Variants in NSMAF observed in about 807,000 individuals in gnomAD.
NSMAF encodes the protein protein FAN.
Under a neutral mutation model 134.9 loss-of-function variants are expected in NSMAF, and 90 were observed. The ratio of observed to expected loss-of-function variants is 0.67; its 90% CI spans 0.56 to 0.79. The LOEUF is 0.79. Among genes scored for constraint, NSMAF ranks in the 30% least tolerant of loss-of-function variants. The pLI, the probability that NSMAF is intolerant of heterozygous loss-of-function variation, is 0.00. For missense variants in NSMAF, 1,010 were observed against 1,119.0 expected, an observed-to-expected ratio of 0.90 and a Z score of 1.39; for synonymous variants, 358 against 389.6, an observed-to-expected ratio of 0.92 and a Z score of 0.96.
chr8:58,628,817 A>G (rs556307003), intron 6 of NSMAF, among the ~76,000 whole-genome samples: 10 of 152,126 alleles, frequency 6.6e-5, no homozygotes, highest in African/African-American at 2.2e-4. Context: ...CTTTGTTGGC[A>G]GGCATTTTTA....
intron 22 of NSMAF, 55 bp from the exon 23 acceptor site, chr8:58,594,345 C>G: frequency 6.9e-7 from 1 of 1,449,216 alleles, no homozygotes; most frequent in African/African-American, 1.4e-5. Context: ...AGGATACCCT[C>G]TTTGTTTCAT....
chr8:58,636,134 T>A (rs1444470498), intron 2 of NSMAF, among the ~76,000 whole-genome samples: 1 of 152,174 alleles, frequency 6.6e-6, no homozygotes, highest in Non-Finnish European at 1.5e-5. Context: ...AATAGTAACA[T>A]AAAAACTTTT....
At chr8:58,649,684 T>A (rs568714145) in intron 1 of NSMAF, among the ~76,000 whole-genome samples, 1 of 152,282 alleles carries the variant, frequency 6.6e-6, no homozygotes, top group South Asian at 2.1e-4. Context: ...CCGGTTGTGG[T>A]TGTTTAAAAG....
At position 58,606,737 on chromosome 8, in the gene NSMAF, T is replaced by C. The variant is rs910451734; in HGVS notation, c.760-702A>G. The stretch of plus-strand genomic sequence containing the variant: ...CAAAGCCAGGATGAAAGCCCAGAGC[T>C]ACCCTTGGTTCAAATACAGGCTTTC... On this transcript the variant is annotated intron_variant, in intron 11 of 30. Coordinates refer to ENST00000038176, the MANE Select transcript of NSMAF (RefSeq NM_003580.4). 7.2e-5 allele frequency among the ~76,000 whole-genome samples: 11 copies of C among 152,212 alleles called. No homozygotes were observed. In the East Asian group the frequency reaches 9.6e-4, roughly 13 times the overall value.
chr8:58,601,079 A>G, intron 16 of NSMAF: 1 of 437,972 alleles, frequency 2.3e-6, no homozygotes, highest in Non-Finnish European at 4.0e-6. Flanking sequence ...TACAAAAGGT[A>G]GGACAAAAAG....
At chr8:58,625,394 A>ATATATATGTATGTATGTATGTATG (rs145506455) in intron 6 of NSMAF, among the ~76,000 whole-genome samples, 34,136 of 151,542 alleles carry the variant, frequency 0.23, 4,529 homozygotes, top group Non-Finnish European at 0.29. Flanking sequence ...ATGTATATGC[A>ATATATATGTATGTATGTATGTATG]TATGTATGTA....
At chr8:58,597,997 T>C (rs1462574857) in intron 19 of NSMAF, 95 bp from the exon 20 acceptor site, 5 of 896,092 alleles carry the variant, frequency 5.6e-6, no homozygotes, top group Non-Finnish European at 9.0e-6. Flanking sequence ...TTAAAACTCA[T>C]GTTCAAAGAA....
At chr8:58,631,340 T>C (rs1807053390) in intron 6 of NSMAF, 156 bp downstream of exon 6, 6 of 411,578 alleles carry the variant, frequency 1.5e-5, no homozygotes, top group Non-Finnish European at 2.7e-5. Context: ...ATAAAATCTG[T>C]GGCTCCCTTG....
intron 26 of NSMAF, chr8:58,588,349 T>TA (rs1294831019): frequency 3.1e-5 from 24 of 766,122 alleles, no homozygotes; most frequent in Non-Finnish European, 4.7e-5. Flanking sequence ...TTTTTTTTTT[T>TA]AAGTACAGTT....
rs199644084 is a variant in NSMAF, at chr8:58,591,543, T to C, written c.1952-609A>G. On this transcript the variant is annotated intron_variant, in intron 23 of 30. Coordinates refer to ENST00000038176, the MANE Select transcript of NSMAF (RefSeq NM_003580.4). ...ACTCTGTTGCCCAGGCTGGAGTGCA[T>C]TGGTGTGATCTTGGCTCACTGCAAC... Among the ~76,000 whole-genome samples, 33 of 146,638 alleles carry C rather than the reference T, an allele frequency of 2.3e-4. No individual in the cohort carries two copies. In the East Asian group the frequency reaches 3.0e-3, roughly 13 times the overall value.
At chr8:58,597,155 A>G (rs1385528294) in intron 21 of NSMAF, among the ~76,000 whole-genome samples, 1 of 152,190 alleles carries the variant, frequency 6.6e-6, no homozygotes, top group African/African-American at 2.4e-5. Flanking sequence ...ACTTTCACTC[A>G]TATTCAATTG....
In NSMAF at chr8:58,603,197, G is replaced by A. The variant is rs2255834; in HGVS notation, c.1045+13C>T. ...CCACTCAACTTGGTCAGAATTCCAC[G>A]TGTGGCAGTTACCTAGTTCTGAGCT... On this transcript the variant is annotated intron_variant, in intron 13 of 30. Transcript: ENST00000038176. 881,355 of 1,611,252 alleles carry A rather than the reference G, an allele frequency of 0.55. 245,897 individuals carry two copies. The highest frequency in any genetic ancestry group is 0.66 in the Admixed American group (39,768 of 59,968).
In NSMAF at chr8:58,599,845, T is replaced by A; in HGVS notation, c.1358A>T (p.Asp453Val). 2 of 1,614,130 alleles carry A rather than the reference T, an allele frequency of 1.2e-6. No homozygotes were observed. The highest frequency in any genetic ancestry group is 1.7e-6 in the Non-Finnish European group (2 of 1,180,010). Reference protein sequence around the residue: ...KELIPEFYGDDVSFLVNSLKL... With the variant: ...KELIPEFYGDVVSFLVNSLKL... ...CAGGCTATTGACTAGAAAGCTCACA[T>A]CATCACCATAGAATTCTGGAATTAA... The change falls in exon 18 of 31, where the codon GAT (aspartate) becomes GTT (valine). Residue 453 changes from aspartate to valine, a missense_variant. By Grantham distance (152) the Asp-to-Val change is radical (BLOSUM62 -3). Coordinates refer to ENST00000038176, the MANE Select transcript of NSMAF (RefSeq NM_003580.4).
chr8:58,589,881 T>C (rs1805982979), intron 25 of NSMAF, 126 bp downstream of exon 25: 2 of 745,064 alleles, frequency 2.7e-6, no homozygotes. Context: ...TCATCTCTAA[T>C]ATCTGTTCCC....
intron 30 of NSMAF, 45 bp downstream of exon 30, chr8:58,585,607 A>G (rs1444444131): frequency 7.2e-7 from 1 of 1,380,444 alleles, no homozygotes; most frequent in African/African-American, 1.4e-5. Context: ...GCTTGAGTTC[A>G]TTATCTTGAG....
intron 1 of NSMAF, among the ~76,000 whole-genome samples, chr8:58,653,636 T>A (rs538855881): frequency 1.3e-5 from 2 of 152,232 alleles, no homozygotes; most frequent in East Asian, 3.9e-4. Flanking sequence ...AATTCTAAGT[T>A]ACTTACTGAA....
chr8:58,587,933 G>A (rs1805928658), intron 26 of NSMAF, among the ~76,000 whole-genome samples: 1 of 152,128 alleles, frequency 6.6e-6, no homozygotes, highest in African/African-American at 2.4e-5. Flanking sequence ...TGCACTTGCT[G>A]CTGTAATCGT....
chr8:58,645,901 C>T (rs549533710), intron 1 of NSMAF, among the ~76,000 whole-genome samples: 26 of 152,092 alleles, frequency 1.7e-4, no homozygotes, highest in Non-Finnish European at 3.5e-4. Flanking sequence ...ATTAGCCAGG[C>T]GTGGTGGCGG....
intron 21 of NSMAF, 157 bp from the exon 22 acceptor site, chr8:58,595,816 C>T (rs2279460): frequency 0.36 from 205,453 of 564,132 alleles, 39,057 homozygotes; most frequent in East Asian, 0.59. Context: ...GATGGTTCCA[C>T]GTTAGTCAAG....
Sources: gnomAD v4.1 joint callset for allele counts (sites outside exome capture counted in the v4.1 genomes callset) on GRCh38, gnomAD v4.1.1 for gene constraint, MANE v1.5 for transcripts, NCBI Gene and HGNC (gene_info 2026-07-23, HGNC 2026-07-21) for gene names.